The following FGFRL1 variants were observed in gnomAD, a reference collection of about 807,000 sequenced individuals.
FGFRL1 encodes the protein fibroblast growth factor receptor-like 1.
FGFRL1 carries 24 observed loss-of-function variants against 36.8 expected under a neutral mutation model. The observed-to-expected ratio is 0.65, with a 90% CI of 0.47 to 0.92. The LOEUF (loss-of-function observed/expected upper bound fraction) is 0.92. FGFRL1 is among the 40% of genes least tolerant of loss of function. The probability of loss-of-function intolerance (pLI) is 0.00; values close to 1 mark genes in which losing one functional copy is unlikely to be tolerated. For synonymous variants in FGFRL1, 422 were observed against 344.1 expected, an observed-to-expected ratio of 1.23 and a Z score of -2.50; for missense variants, 785 against 753.4, an observed-to-expected ratio of 1.04 and a Z score of -0.49.
intron 2 of FGFRL1, among the ~76,000 whole-genome samples, chr4:1,013,178 C>T (rs757488407): frequency 5.3e-5 from 8 of 152,248 alleles, no homozygotes; most frequent in Non-Finnish European, 1.2e-4. Flanking sequence ...GCTGTGCTGG[C>T]CTGGTACGTG....
At chr4:1,016,971 G>T (rs1715919314) in intron 2 of FGFRL1, among the ~76,000 whole-genome samples, 1 of 152,160 alleles carries the variant, frequency 6.6e-6, no homozygotes, top group Non-Finnish European at 1.5e-5. Context: ...GGCCATCTGT[G>T]ATGGGGGCAC....
In FGFRL1 at chr4:1,024,636, C is replaced by A. The variant is rs747154466; in HGVS notation, c.1044C>A (p.Phe348Leu). Residue 348 changes from phenylalanine (F) to leucine (L), a missense_variant, in exon 6 of 7, where the codon TTC (phenylalanine) becomes TTA (leucine). Physicochemically the swap from Phe to Leu is conservative, Grantham distance 22 (BLOSUM62 0). Transcript: ENST00000510644. Reference protein sequence around the residue: ...CLGANTMGYSFRSAFLTVLPD... With the variant: ...CLGANTMGYSLRSAFLTVLPD... ...GCGCCAACACCATGGGCTACAGCTT[C>A]CGCAGCGCCTTCCTCACCGTGCTGC... 2 of 1,606,662 alleles carry A rather than the reference C, an allele frequency of 1.2e-6. No individual in the cohort carries two copies. The highest frequency in any genetic ancestry group is 3.3e-5 in the Admixed American group (2 of 59,870).
rs145808953 is a variant in FGFRL1, at chr4:1,025,266, CCACACA to C, written c.1450_1455del (p.Thr484_His485del). ...TGTACCCCAAACTCTACACAGACAT[CCACACA>C]CACACACACACACACTCTCACACAC... On this transcript the variant is annotated inframe_deletion, in exon 7 of 7. Coordinates refer to ENST00000510644, the MANE Select transcript of FGFRL1 (RefSeq NM_001004356.3). 9.2e-5 allele frequency: 132 copies of C among 1,439,628 alleles called. No homozygotes were observed. In the East Asian group the frequency reaches 1.1e-3, roughly 12 times the overall value. 89.2% of individuals were successfully genotyped at this position (1,439,628 alleles called of 1,614,324 possible).
At chr4:1,019,959 C>G (rs1022249275) in intron 2 of FGFRL1, among the ~76,000 whole-genome samples, 26 of 152,256 alleles carry the variant, frequency 1.7e-4, no homozygotes, top group Non-Finnish European at 3.5e-4. Context: ...CTCCCAGCCC[C>G]AGCGGCCAAT....
At chr4:1,024,767 C>T in intron 6 of FGFRL1, 103 bp downstream of exon 6, 1 of 1,400,070 alleles carries the variant, frequency 7.1e-7, no homozygotes, top group Non-Finnish European at 9.5e-7. Flanking sequence ...CCCTCCCGGG[C>T]CGTGCTGGCC....
upstream of FGFRL1, chr4:1,011,178 T>G (rs944967772): frequency 3.9e-5 from 6 of 152,134 alleles, no homozygotes; most frequent in Non-Finnish European, 7.4e-5. Flanking sequence ...GAGAGCGGTC[T>G]GGGCCCGGCC....
chr4:1,024,213 TGG>T, intron 5 of FGFRL1, 96 bp from the exon 6 acceptor site: 2 of 155,386 alleles, frequency 1.3e-5, no homozygotes, highest in Non-Finnish European at 2.3e-5. Flanking sequence ...TGGCAGGGCT[TGG>T]GGGTGGTGGG....
In FGFRL1 at chr4:1,012,498, C is replaced by G. The variant is rs575630622; in HGVS notation, c.13C>G (p.Pro5Ala). The G allele has an allele frequency of 2.5e-6, 4 of 1,572,130 alleles. No individual in the cohort carries two copies. The South Asian group carries it at 4.6e-5, about 18-fold the overall frequency. ...CGGACAGGCCGAGATGACGCCGAGC[C>G]CCCTGTTGCTGCTCCTGCTGCCGCC... Reference protein sequence around the residue: MTPSPLLLLLLPPLL... With the variant: MTPSALLLLLLPPLL... Residue 5 changes from proline to alanine, a missense_variant, in exon 2 of 7, where the codon CCC (proline) becomes GCC (alanine). Coordinates refer to ENST00000510644, the MANE Select transcript of FGFRL1 (RefSeq NM_001004356.3).
intron 2 of FGFRL1, among the ~76,000 whole-genome samples, chr4:1,015,095 G>A (rs555304445): frequency 1.3e-5 from 2 of 152,196 alleles, no homozygotes; most frequent in Non-Finnish European, 2.9e-5. Flanking sequence ...CTCAGGAACT[G>A]CGGCCGTGCT....
chr4:1,024,846 C>G, intron 6 of FGFRL1, 59 bp from the exon 7 acceptor site: 2 of 1,513,360 alleles, frequency 1.3e-6, no homozygotes, highest in Admixed American at 1.9e-5. Context: ...GTCTGGGGTG[C>G]TCTCCTGGTC....
At chr4:1,015,110 G>A (rs1258019825) in intron 2 of FGFRL1, among the ~76,000 whole-genome samples, 1 of 152,190 alleles carries the variant, frequency 6.6e-6, no homozygotes, top group Non-Finnish European at 1.5e-5. Context: ...CGTGCTGGGA[G>A]AGGCGGGCTG....
chr4:1,025,070 C>A lies in FGFRL1; in HGVS notation c.1238C>A (p.Pro413His). ...CCGTGCACCCCCGCGCCTGCCCCTC[C>A]CCTGCCTGGGCACCGCCCGCCGGGG... Reference protein sequence around the residue: ...KKPCTPAPAPPLPGHRPPGTA... With the variant: ...KKPCTPAPAPHLPGHRPPGTA... The change falls in exon 7 of 7, where the codon CCC becomes CAC. Residue 413 changes from proline (P) to histidine (H), a missense_variant. By Grantham distance (77) the Pro-to-His change is moderately conservative. Coordinates refer to ENST00000510644, the MANE Select transcript of FGFRL1 (RefSeq NM_001004356.3). The A allele has an allele frequency of 6.2e-7, 1 of 1,609,946 alleles. No homozygotes were observed. The highest frequency in any genetic ancestry group is 2.2e-5 in the East Asian group (1 of 44,780).
At chr4:1,012,662 G>A (rs1011843919) in intron 2 of FGFRL1, 98 bp downstream of exon 2, 1 of 475,856 alleles carries the variant, frequency 2.1e-6, no homozygotes, top group East Asian at 3.8e-5. Context: ...CCTGGCACGC[G>A]CCATGCCCCG....
intron 2 of FGFRL1, 141 bp from the exon 3 acceptor site, chr4:1,022,062 C>T (rs1176655806): frequency 3.2e-6 from 2 of 626,270 alleles, no homozygotes; most frequent in African/African-American, 1.9e-5. Flanking sequence ...GCACCTCGGC[C>T]CCTCTGCTCA....
rs574562587 is a variant in FGFRL1 at position 1,023,130 on chromosome 4, C to T, written c.353-511C>T. On this transcript the variant is annotated intron_variant, in intron 3 of 6. Transcript: ENST00000510644. The surrounding 1 kb of genome is among the most constrained non-coding windows in gnomAD (Gnocchi z 6.0). ...GGGGTGCGGCCTGAGACAGCCTGGT[C>T]CTGGGCTCAGTGAAGGAGCGGCTGT... Among the ~76,000 whole-genome samples, 2 of 152,258 alleles carry T rather than the reference C, an allele frequency of 1.3e-5. No homozygotes were observed. Among genetic ancestry groups the T allele is most frequent in the Non-Finnish European group, 2.9e-5 (2 of 68,000 alleles).
chr4:1,013,528 A>AC (rs201318154), intron 2 of FGFRL1, among the ~76,000 whole-genome samples: 5,204 of 124,208 alleles, frequency 0.042, 138 homozygotes, highest in East Asian at 0.13. Context: ...ATGCCACAGC[A>AC]CCCCCCCCTA....
chr4:1,014,746 A>G (rs1715796052), intron 2 of FGFRL1, among the ~76,000 whole-genome samples: 1 of 152,156 alleles, frequency 6.6e-6, no homozygotes, highest in African/African-American at 2.4e-5. Context: ...GCCCGTGTGC[A>G]GCGGGCTGAG....
rs1264344848 is a variant in FGFRL1, at chr4:1,025,759, G to GTC, written c.*412_*413insTC. ...CACACACACACGGATATGCTGTCTG[G>GTC]ACGCACACACGTGCAGATATGGTAT... On this transcript the variant is annotated 3_prime_UTR_variant, in exon 7 of 7. Coordinates refer to ENST00000510644, the MANE Select transcript of FGFRL1 (RefSeq NM_001004356.3). 1 of 272,082 alleles carries GTC rather than the reference G, an allele frequency of 3.7e-6. No individual in the cohort carries two copies. The highest frequency in any genetic ancestry group is 2.3e-5 in the African/African-American group (1 of 43,318). The allele number at this position is 272,082 out of a possible 1,614,324, so 16.9% of individuals were successfully genotyped here.
chr4:1,013,021 G>A (rs1715686886), intron 2 of FGFRL1, among the ~76,000 whole-genome samples: 1 of 152,186 alleles, frequency 6.6e-6, no homozygotes, highest in Admixed American at 6.5e-5. Context: ...GTCTGGGACT[G>A]AAACTGACCC....
Sources: gnomAD v4.1 joint callset for allele counts (sites outside exome capture counted in the v4.1 genomes callset) on GRCh38, gnomAD v4.1.1 for gene constraint, Gnocchi (gnomAD v3.1) non-coding constraint, MANE v1.5 for transcripts, NCBI Gene and HGNC (gene_info 2026-07-23, HGNC 2026-07-21) for gene names.